The following CNTN4 variants were observed in gnomAD, a reference collection of about 807,000 sequenced individuals.
CNTN4 encodes the protein contactin 4.
Under a neutral mutation model 122.5 loss-of-function variants are expected in CNTN4, and 77 were observed. The observed-to-expected ratio is 0.63, with a 90% CI of 0.52 to 0.76. The LOEUF is 0.76. Among genes scored for constraint, CNTN4 ranks in the 30% least tolerant of loss-of-function variants. The pLI, the probability that CNTN4 is intolerant of heterozygous loss-of-function variation, is 0.00. For synonymous variants in CNTN4, 512 were observed against 447.0 expected (o/e 1.15, Z -1.83); for missense variants, 1,256 against 1,259.1 (o/e 1.00, Z 0.04).
In CNTN4 at chr3:2,719,704, G is replaced by A. The variant is rs35992768; in HGVS notation, c.56-16511G>A. ...CTCCCAAAGTGCTAGGATTACAGGC[G>A]TGAGCCACCACGCTGGGCCAAGACT... On this transcript the variant is annotated intron_variant, in intron 4 of 24. Coordinates refer to ENST00000418658, the MANE Select transcript of CNTN4 (RefSeq NM_175607.3). 3.3e-5 allele frequency among the ~76,000 whole-genome samples: 5 copies of A among 152,218 alleles called. No homozygotes were observed. The South Asian group carries it at 8.3e-4, about 25-fold the overall frequency.
chr3:2,527,921 C>T (rs1285513725), intron 3 of CNTN4, among the ~76,000 whole-genome samples: 3 of 152,080 alleles, frequency 2.0e-5, no homozygotes, highest in Non-Finnish European at 4.4e-5. Context: ...TTCTGCTTTC[C>T]TTTTGTTTTC....
At chr3:3,042,446 G>T in intron 21 of CNTN4, 24 bp downstream of exon 21, 1 of 1,465,500 alleles carries the variant, frequency 6.8e-7, no homozygotes. Flanking sequence ...ATGTGCCTTG[G>T]GTCTGAAAGA....
At chr3:2,690,105 A>G (rs980591798) in intron 4 of CNTN4, among the ~76,000 whole-genome samples, 4 of 152,158 alleles carry the variant, frequency 2.6e-5, no homozygotes, top group African/African-American at 9.7e-5. Context: ...ATAATCTCCA[A>G]TTCCTGTGAT....
intron 16 of CNTN4, among the ~76,000 whole-genome samples, chr3:3,034,162 CT>C (rs1402130391): frequency 6.6e-6 from 1 of 152,096 alleles, no homozygotes; most frequent in Non-Finnish European, 1.5e-5. Context: ...GCCATTTGTG[CT>C]TAAATCTATA....
intron 3 of CNTN4, among the ~76,000 whole-genome samples, chr3:2,352,356 C>A (rs537732016): frequency 1.3e-5 from 2 of 152,314 alleles, no homozygotes; most frequent in South Asian, 4.1e-4. Flanking sequence ...CTGGCCGAGG[C>A]CGGAACCGGC....
At chr3:2,447,563 G>A (rs76603547) in intron 3 of CNTN4, among the ~76,000 whole-genome samples, 2,120 of 151,764 alleles carry the variant, frequency 0.014, 16 homozygotes, top group Middle Eastern at 0.034. Flanking sequence ...CTTTTTCTAC[G>A]TAGCAAGACC....
At chr3:3,023,482 G>A (rs1294977416) in intron 14 of CNTN4, among the ~76,000 whole-genome samples, 2 of 152,182 alleles carry the variant, frequency 1.3e-5, no homozygotes, top group African/African-American at 2.4e-5. Context: ...CGTTTCTTTA[G>A]GAAAGAAATG....
chr3:2,140,373 G>A (rs2034933840), intron 2 of CNTN4, among the ~76,000 whole-genome samples: 1 of 152,110 alleles, frequency 6.6e-6, no homozygotes, highest in Admixed American at 6.6e-5. Context: ...AGTTCATTCA[G>A]GCTGCTATAA....
rs75708977 is a variant in CNTN4 at position 2,968,865 on chromosome 3, G to A, written c.1359-19480G>A. On this transcript the variant is annotated intron_variant, in intron 13 of 24. Coordinates refer to ENST00000418658, the MANE Select transcript of CNTN4 (RefSeq NM_175607.3). Reference sequence around the variant, plus strand: ...CTATGGACACACAGATGTTTCCTCTGTATACACTGTCTCACAAGTGACACT... The same window carrying A: ...CTATGGACACACAGATGTTTCCTCTATATACACTGTCTCACAAGTGACACT... Among the ~76,000 whole-genome samples the A allele has an allele frequency of 2.4e-3, 365 of 152,266 alleles. 4 individuals are homozygous for A. Among genetic ancestry groups the A allele is most frequent in the African/African-American group, 8.5e-3 (352 of 41,548 alleles).
chr3:3,048,780 T>C (rs1227789646), intron 23 of CNTN4, among the ~76,000 whole-genome samples: 1 of 152,176 alleles, frequency 6.6e-6, no homozygotes, highest in African/African-American at 2.4e-5. Flanking sequence ...CTGAACATGT[T>C]GGGGTGTGGG....
chr3:2,591,059 A>G (rs1036026529), intron 4 of CNTN4, among the ~76,000 whole-genome samples: 2 of 152,184 alleles, frequency 1.3e-5, no homozygotes, highest in South Asian at 4.1e-4. Context: ...AACAGTGCCT[A>G]GACCATCACA....
At chr3:2,651,136 TGGTGGACCTACCAG>T (rs917973140) in intron 4 of CNTN4, among the ~76,000 whole-genome samples, 1 of 152,206 alleles carries the variant, frequency 6.6e-6, no homozygotes, top group African/African-American at 2.4e-5. Flanking sequence ...TTCTAAGACA[TGGTGGACCTACCAG>T]GGTAAAGATT....
chr3:2,566,829 C>T (rs183625181), intron 3 of CNTN4, among the ~76,000 whole-genome samples: 102 of 152,210 alleles, frequency 6.7e-4, no homozygotes, highest in Non-Finnish European at 1.1e-3. Context: ...TGCGTGAATC[C>T]GTGTTTTCCC....
intron 7 of CNTN4, among the ~76,000 whole-genome samples, chr3:2,842,131 CTCT>C (rs1490276031): frequency 1.3e-5 from 2 of 152,104 alleles, no homozygotes; most frequent in Non-Finnish European, 2.9e-5. Flanking sequence ...AAGCCATGAG[CTCT>C]TCTTCTAGGA....
At chr3:2,861,261 T>G (rs17021457) in intron 7 of CNTN4, among the ~76,000 whole-genome samples, 1 of 152,072 alleles carries the variant, frequency 6.6e-6, no homozygotes, top group African/African-American at 2.4e-5. Context: ...CATGGACTTA[T>G]GCCATTTTTC....
intron 4 of CNTN4, among the ~76,000 whole-genome samples, chr3:2,638,830 T>C (rs766495131): frequency 2.0e-5 from 3 of 152,178 alleles, no homozygotes; most frequent in Non-Finnish European, 2.9e-5. Flanking sequence ...TCTTTTAAAT[T>C]TGTTTGCTTT....
At chr3:2,814,426 G>A (rs1190604998) in intron 6 of CNTN4, among the ~76,000 whole-genome samples, 1 of 152,096 alleles carries the variant, frequency 6.6e-6, no homozygotes, top group Non-Finnish European at 1.5e-5. Context: ...TCTTAATAGA[G>A]TTGTTTCTGT....
intron 13 of CNTN4, among the ~76,000 whole-genome samples, chr3:2,931,673 G>C (rs2094521553): frequency 6.6e-6 from 1 of 152,058 alleles, no homozygotes; most frequent in African/African-American, 2.4e-5. Flanking sequence ...CCATTGCCCA[G>C]GCTGGACAGC....
intron 3 of CNTN4, among the ~76,000 whole-genome samples, chr3:2,343,387 C>T (rs2044280549): frequency 6.6e-6 from 1 of 152,190 alleles, no homozygotes; most frequent in African/African-American, 2.4e-5. Context: ...TCACTTCAGC[C>T]TCTAATTTGC....
Sources: gnomAD v4.1 joint callset for allele counts (sites outside exome capture counted in the v4.1 genomes callset) on GRCh38, gnomAD v4.1.1 for gene constraint, MANE v1.5 for transcripts, NCBI Gene and HGNC (gene_info 2026-07-23, HGNC 2026-07-21) for gene names.